Variants in COL4A3 observed in about 807,000 individuals in gnomAD.
COL4A3 encodes the protein collagen alpha-3(IV) chain.
In COL4A3, 135 loss-of-function variants were observed where a neutral mutation model predicts 217.4. The ratio of observed to expected loss-of-function variants is 0.62; its 90% CI spans 0.54 to 0.72. COL4A3 has a LOEUF of 0.72. Ranked by LOEUF, COL4A3 falls within the 30% of genes least tolerant of loss-of-function variation. The pLI is 0.00. For synonymous variants in COL4A3, 690 were observed against 736.3 expected (o/e 0.94, Z 1.02); for missense variants, 1,868 against 2,119.9 (o/e 0.88, Z 2.33).
At position 227,277,461 on chromosome 2, in the gene COL4A3, C is replaced by G. The variant is rs1354756195; in HGVS notation, c.2033C>G (p.Ser678Cys). 1 of 1,609,130 alleles carries G rather than the reference C, an allele frequency of 6.2e-7. No individual in the cohort carries two copies. Among genetic ancestry groups the G allele is most frequent in the Non-Finnish European group, 8.5e-7 (1 of 1,176,660 alleles). Residue 678 changes from serine (S) to cysteine (C), a missense_variant, in exon 28 of 52, where the codon TCC becomes TGC. By Grantham distance (112) the Ser-to-Cys change is moderately radical. Around this residue, in one of 2 missense-constraint regions of COL4A3, gnomAD observed 1,503 missense variants for 1,786.1 expected, o/e 0.84. Transcript: ENST00000396578. Reference protein sequence around the residue: ...GPQGPPGIPGSLGKCGDPGLP... With the variant: ...GPQGPPGIPGCLGKCGDPGLP... ...ATTTGTTTCTAAGGTATCCCTGGAT[C>G]CCTGGGGAAATGTGGAGATCCTGGT...
chr2:227,253,335 C>A lies in COL4A3; in HGVS notation c.685C>A (p.Arg229=). 1.9e-6 allele frequency: 3 copies of A among 1,613,370 alleles called. No individual in the cohort carries two copies. Among genetic ancestry groups the A allele is most frequent in the Non-Finnish European group, 2.5e-6 (3 of 1,179,384 alleles). The change falls in exon 12 of 52, where the codon CGG becomes AGG. Residue 229 remains arginine, a splice_region_variant and synonymous_variant. Transcript: ENST00000396578. This position sits in a 1 kb window ranked among gnomAD's most constrained non-coding sequence, Gnocchi z 4.4. ...GERVIGHKGE[R]GVKGLTGPPG... ...AAGAGTGATAGGACATAAAGGAGAG[C>A]GGGTAATTTAAATACTATGTTTTAT...
In COL4A3 at chr2:227,302,953, C is replaced by T. The variant is rs55659411; in HGVS notation, c.3883-85C>T. The stretch of plus-strand genomic sequence containing the variant: ...TATTCTCACCCAACATAATATTATA[C>T]CCTATTTGCATTTTTAAAAAACTGC... On this transcript the variant is annotated intron_variant, in intron 43 of 51. Coordinates refer to ENST00000396578, the MANE Select transcript of COL4A3 (RefSeq NM_000091.5). 34,777 of 817,906 alleles carry T rather than the reference C, an allele frequency of 0.043. 1,080 individuals are homozygous for T. Among genetic ancestry groups the T allele is most frequent in the African/African-American group, 0.097 (5,780 of 59,644 alleles). The allele number at this position is 817,906 out of a possible 1,614,324, so 50.7% of individuals were successfully genotyped here. A position where few individuals can be genotyped will look rare whatever the true frequency, so the allele number is the denominator to read the frequency against.
rs55843236 is a variant in COL4A3, at chr2:227,297,925, C to T, written c.3751+66C>T. The T allele has an allele frequency of 0.03, 44,146 of 1,490,962 alleles. 761 individuals are homozygous for T. The highest frequency in any genetic ancestry group is 0.035 in the Non-Finnish European group (38,790 of 1,092,734). The allele number at this position is 1,490,962 out of a possible 1,614,324, so 92.4% of individuals were successfully genotyped here. ...CATGTTTGACCTCAAAAGTTTTCAA[C>T]CTCCTCCTCATGTTACCTTGTTGCT... is the stretch of plus-strand genomic sequence containing the variant. On this transcript the variant is annotated intron_variant, in intron 42 of 51. Coordinates refer to ENST00000396578, the MANE Select transcript of COL4A3 (RefSeq NM_000091.5).
At chr2:227,180,128 C>A (rs550941135) in intron 1 of COL4A3, among the ~76,000 whole-genome samples, 13 of 152,064 alleles carry the variant, frequency 8.5e-5, no homozygotes, top group Admixed American at 2.0e-4. Context: ...CCCTTGTCAG[C>A]GATTAGTAGC....
chr2:227,165,865 A>AC (rs11297525), intron 1 of COL4A3, among the ~76,000 whole-genome samples: 4 of 151,870 alleles, frequency 2.6e-5, no homozygotes, highest in Non-Finnish European at 5.9e-5. Flanking sequence ...CCTCTCTGAC[A>AC]CCCCCCATAC....
At chr2:227,308,761 C>T (rs1189296784) in intron 48 of COL4A3, 138 bp from the exon 49 acceptor site, 4 of 878,990 alleles carry the variant, frequency 4.6e-6, no homozygotes, top group South Asian at 1.4e-5. Context: ...TTCAATACTA[C>T]ATTTTGCAGA....
At chr2:227,209,878 C>G (rs2067247410) in intron 1 of COL4A3, among the ~76,000 whole-genome samples, 1 of 152,058 alleles carries the variant, frequency 6.6e-6, no homozygotes, top group South Asian at 2.1e-4. Context: ...AAAGATGGGA[C>G]CTTTACTCTG....
intron 1 of COL4A3, among the ~76,000 whole-genome samples, chr2:227,193,428 T>C (rs2066318683): frequency 6.6e-6 from 1 of 152,136 alleles, no homozygotes; most frequent in Admixed American, 6.5e-5. Context: ...AGAAATAAAA[T>C]CCTGGCTGGG....
At chr2:227,181,577 A>G (rs1440397501) in intron 1 of COL4A3, among the ~76,000 whole-genome samples, 1 of 152,236 alleles carries the variant, frequency 6.6e-6, no homozygotes, top group Non-Finnish European at 1.5e-5. Flanking sequence ...AACTCCTCAT[A>G]TTAGAACCTG....
chr2:227,272,168 G>A (rs1336510830), intron 25 of COL4A3, among the ~76,000 whole-genome samples: 1 of 152,204 alleles, frequency 6.6e-6, no homozygotes, highest in Non-Finnish European at 1.5e-5. Context: ...TAAAGTGACA[G>A]TGCCAGAATT....
chr2:227,168,095 T>C (rs2065342809), intron 1 of COL4A3, among the ~76,000 whole-genome samples: 1 of 152,248 alleles, frequency 6.6e-6, no homozygotes, highest in Non-Finnish European at 1.5e-5. Flanking sequence ...TATCTAGTTA[T>C]ATAAAGTATG....
chr2:227,178,096 C>A (rs1338929304), intron 1 of COL4A3, among the ~76,000 whole-genome samples: 2 of 152,100 alleles, frequency 1.3e-5, no homozygotes, highest in African/African-American at 4.8e-5. Context: ...AAAATCGGGC[C>A]GGGCATGCTG....
chr2:227,258,344 A>C (rs2070325927), intron 18 of COL4A3, among the ~76,000 whole-genome samples: 1 of 152,224 alleles, frequency 6.6e-6, no homozygotes, highest in African/African-American at 2.4e-5. Context: ...TGCAGTTCTC[A>C]GACCCCCATG....
intron 2 of COL4A3, among the ~76,000 whole-genome samples, chr2:227,238,672 T>C (rs2068840235): frequency 6.6e-6 from 1 of 152,220 alleles, no homozygotes; most frequent in Non-Finnish European, 1.5e-5. Flanking sequence ...TTTAACAACA[T>C]TGAAGGATGA....
chr2:227,248,132 G>T (rs1260985825), intron 8 of COL4A3, among the ~76,000 whole-genome samples: 1 of 152,048 alleles, frequency 6.6e-6, no homozygotes, highest in African/African-American at 2.4e-5. Flanking sequence ...TAGAAATGGG[G>T]TTTTGCCATG....
chr2:227,299,212 G>A (rs1398076612), intron 43 of COL4A3, among the ~76,000 whole-genome samples: 1 of 152,170 alleles, frequency 6.6e-6, no homozygotes, highest in East Asian at 1.9e-4. Context: ...TGGCTAACAT[G>A]GTGAAACCCC....
intron 33 of COL4A3, 34 bp downstream of exon 33, chr2:227,283,890 A>G (rs531062891): frequency 6.6e-7 from 1 of 1,524,764 alleles, no homozygotes; most frequent in South Asian, 1.1e-5. Context: ...AATAGCAGGA[A>G]GCATAAACAA....
chr2:227,198,650 A>G (rs1412034800), intron 1 of COL4A3, among the ~76,000 whole-genome samples: 1 of 152,174 alleles, frequency 6.6e-6, no homozygotes, highest in African/African-American at 2.4e-5. Context: ...TGGGAAAAAA[A>G]TTCCCTGACC....
intron 35 of COL4A3, 44 bp downstream of exon 35, chr2:227,289,292 T>G: frequency 6.7e-7 from 1 of 1,495,730 alleles, no homozygotes; most frequent in Non-Finnish European, 9.2e-7. Flanking sequence ...TTTTACACTT[T>G]CCTACATCTA....
Sources: gnomAD v4.1 joint callset for allele counts (sites outside exome capture counted in the v4.1 genomes callset) on GRCh38, gnomAD v4.1.1 for gene constraint, gnomAD v4.1.1 regional missense constraint, Gnocchi (gnomAD v3.1) non-coding constraint, MANE v1.5 for transcripts, NCBI Gene and HGNC (gene_info 2026-07-23, HGNC 2026-07-21) for gene names.